Variants in CACHD1 observed in about 807,000 individuals in gnomAD.
The protein encoded by CACHD1 is cache domain containing 1, also known as VWFA and cache domain-containing protein 1.
CACHD1 carries 71 observed loss-of-function variants against 138.7 expected under a neutral mutation model. The ratio of observed to expected loss-of-function variants is 0.51; its 90% confidence interval spans 0.42 to 0.62. The LOEUF is 0.62. Ranked by LOEUF, CACHD1 falls within the 20% of genes least tolerant of loss-of-function variation. The pLI, the probability that CACHD1 is intolerant of heterozygous loss-of-function variation, is 0.00. For missense variants in CACHD1, 1,389 were observed against 1,625.3 expected, an observed-to-expected ratio of 0.85 and a Z score of 2.50; for synonymous variants, 578 against 591.5, an observed-to-expected ratio of 0.98 and a Z score of 0.33.
intron 1 of CACHD1, among the ~76,000 whole-genome samples, chr1:64,549,801 T>TA (rs1038761140): frequency 5.3e-5 from 8 of 150,788 alleles, no homozygotes; most frequent in Non-Finnish European, 1.0e-4. Context: ...TTTTATTTTT[T>TA]TTATTTTTTT....
At chr1:64,539,031 C>G (rs1346649324) in intron 1 of CACHD1, among the ~76,000 whole-genome samples, 1 of 152,144 alleles carries the variant, frequency 6.6e-6, no homozygotes, top group Non-Finnish European at 1.5e-5. Flanking sequence ...ACTTTATAAT[C>G]TTTTGGGGGA....
At chr1:64,605,412 TTCTTAA>T (rs1647307113) in intron 4 of CACHD1, among the ~76,000 whole-genome samples, 2 of 152,216 alleles carry the variant, frequency 1.3e-5, no homozygotes, top group African/African-American at 2.4e-5. Context: ...CTTATTAATT[TTCTTAA>T]TCTTAAATTA....
intron 1 of CACHD1, among the ~76,000 whole-genome samples, chr1:64,537,080 G>A (rs1398446810): frequency 6.6e-6 from 1 of 152,118 alleles, no homozygotes; most frequent in Non-Finnish European, 1.5e-5. Context: ...CTCTGTGAGG[G>A]TCACCGTATT....
intron 1 of CACHD1, among the ~76,000 whole-genome samples, chr1:64,547,636 G>A (rs888058756): frequency 3.9e-5 from 6 of 152,112 alleles, no homozygotes; most frequent in African/African-American, 1.4e-4. Flanking sequence ...CAAGGTGCTG[G>A]GATTACAGGC....
intron 4 of CACHD1, among the ~76,000 whole-genome samples, chr1:64,606,577 T>G (rs10889491): frequency 0.99 from 150,470 of 152,268 alleles, 74,371 homozygotes; most frequent in East Asian, 1. Flanking sequence ...TGTGGTGGGG[T>G]AGTTACATAG....
At chr1:64,491,260 C>CTTTT (rs200146551) in intron 1 of CACHD1, among the ~76,000 whole-genome samples, 1 of 144,292 alleles carries the variant, frequency 6.9e-6, no homozygotes, top group African/African-American at 2.5e-5. Flanking sequence ...CTCTCTCTCT[C>CTTTT]TTTTTTTTTT....
At chr1:64,606,131 G>GCACACA in intron 4 of CACHD1, among the ~76,000 whole-genome samples, 1 of 97,850 alleles carries the variant, frequency 1.0e-5, no homozygotes, top group African/African-American at 5.1e-5. Context: ...ACACACACAC[G>GCACACA]CACACACACG....
chr1:64,645,204 G>A (rs1212992918), intron 8 of CACHD1, among the ~76,000 whole-genome samples: 1 of 152,018 alleles, frequency 6.6e-6, no homozygotes, highest in African/African-American at 2.4e-5. Flanking sequence ...CATTGGTAAT[G>A]GTTACATTCT....
chr1:64,571,074 G>A (rs944691427), intron 2 of CACHD1, among the ~76,000 whole-genome samples: 9 of 152,176 alleles, frequency 5.9e-5, no homozygotes, highest in South Asian at 2.1e-4. Flanking sequence ...TGATATTAGC[G>A]CATTACAACT....
intron 1 of CACHD1, among the ~76,000 whole-genome samples, chr1:64,479,848 T>G (rs1252355908): frequency 6.6e-6 from 1 of 152,212 alleles, no homozygotes; most frequent in East Asian, 1.9e-4. Flanking sequence ...AACTAGCTGC[T>G]GCTTGTGCCC....
At position 64,652,273 on chromosome 1, in the gene CACHD1, C is replaced by T; in HGVS notation, c.1503C>T (p.Asp501=). ...TTGAAGACGTGACGTATTACCAAGACTCTTTGGCTTCCTATACTTTTCTCA... is the reference window on the plus strand; with the variant it reads ...TTGAAGACGTGACGTATTACCAAGATTCTTTGGCTTCCTATACTTTTCTCA... ...YILEDVTYYQ[D]SLASYTFLID... is the part of the protein sequence containing the mutation. Residue 501 remains aspartate (D), a synonymous_variant, in exon 10 of 27, where the codon GAC becomes GAT. Transcript: ENST00000651257. 1 of 1,613,452 alleles carries T rather than the reference C, an allele frequency of 6.2e-7. No individual in the cohort carries two copies. The highest frequency in any genetic ancestry group is 8.5e-7 in the Non-Finnish European group (1 of 1,179,740).
At chr1:64,678,384 A>G in intron 23 of CACHD1, 74 bp downstream of exon 23, 1 of 1,380,514 alleles carries the variant, frequency 7.2e-7, no homozygotes, top group Non-Finnish European at 9.6e-7. Flanking sequence ...GGACATCTTA[A>G]AATAATCCTC....
chr1:64,666,879 A>G (rs978402018), intron 16 of CACHD1, among the ~76,000 whole-genome samples: 8 of 150,194 alleles, frequency 5.3e-5, no homozygotes, highest in Non-Finnish European at 1.0e-4. Context: ...AAAACGAGAA[A>G]GAAAAAGTAC....
intron 1 of CACHD1, among the ~76,000 whole-genome samples, chr1:64,516,727 A>T (rs145501409): frequency 6.6e-6 from 1 of 152,150 alleles, no homozygotes; most frequent in East Asian, 1.9e-4. Flanking sequence ...TTATCTTCTT[A>T]TTATTGTTCT....
chr1:64,556,119 A>G (rs539947280), intron 2 of CACHD1, among the ~76,000 whole-genome samples: 4 of 152,290 alleles, frequency 2.6e-5, no homozygotes, highest in East Asian at 1.9e-4. Context: ...TCATTAAAGT[A>G]AAAGGTCAAG....
At chr1:64,686,071 A>G (rs1195536898) in intron 26 of CACHD1, among the ~76,000 whole-genome samples, 2 of 152,190 alleles carry the variant, frequency 1.3e-5, no homozygotes, top group African/African-American at 4.8e-5. Flanking sequence ...CAAAGAAGGA[A>G]AGGGGTGAGA....
chr1:64,653,188 A>G (rs1186023483), intron 10 of CACHD1, among the ~76,000 whole-genome samples: 1 of 152,108 alleles, frequency 6.6e-6, no homozygotes, highest in Admixed American at 6.5e-5. Context: ...ATGAGAACAC[A>G]TGGACACAAA....
At chr1:64,638,393 A>C (rs1261512599) in intron 7 of CACHD1, among the ~76,000 whole-genome samples, 1 of 152,240 alleles carries the variant, frequency 6.6e-6, no homozygotes, top group Non-Finnish European at 1.5e-5. Flanking sequence ...TGGTAGCCAT[A>C]TAAAAATAAG....
intron 1 of CACHD1, among the ~76,000 whole-genome samples, chr1:64,548,697 A>C (rs1646736364): frequency 6.6e-6 from 1 of 152,240 alleles, no homozygotes; most frequent in Non-Finnish European, 1.5e-5. Context: ...AAAATGTATA[A>C]ATAGCACACT....
Sources: allele counts gnomAD v4.1 joint callset (sites outside exome capture counted in the v4.1 genomes callset), GRCh38; gene constraint gnomAD v4.1.1; transcripts MANE v1.5; gene names NCBI Gene and HGNC (gene_info 2026-07-23, HGNC 2026-07-21).